PRKG1: variants seen among roughly 807,000 people sequenced by gnomAD.
PRKG1 encodes protein kinase cGMP-dependent 1.
Under a neutral mutation model 88.1 loss-of-function variants are expected in PRKG1, and 35 were observed. The observed-to-expected ratio is 0.40, with a 90% CI of 0.30 to 0.53. The LOEUF (loss-of-function observed/expected upper bound fraction) is 0.53, where lower values mean the gene tolerates loss of function less well. PRKG1 is among the 20% of genes least tolerant of loss of function. PRKG1 has a pLI of 0.59. For missense variants in PRKG1, 540 were observed against 839.8 expected (o/e 0.64, Z 4.41); for synonymous variants, 303 against 292.5 (o/e 1.04, Z -0.37).
At chr10:51,785,396 A>G (rs1229386800) in intron 3 of PRKG1, among the ~76,000 whole-genome samples, 1 of 152,146 alleles carries the variant, frequency 6.6e-6, no homozygotes, top group Non-Finnish European at 1.5e-5. Context: ...CAAGAAAAGA[A>G]AAACAAAATG....
rs183355769 is a variant in PRKG1, at chr10:52,130,601, A to G, written c.936-3239A>G. 1.9e-4 allele frequency among the ~76,000 whole-genome samples: 29 copies of G among 152,310 alleles called. No homozygotes were observed. The East Asian group carries it at 4.2e-3, about 22-fold the overall frequency. On this transcript the variant is annotated intron_variant, in intron 7 of 17. Transcript: ENST00000373980. ...ATTATATTTTCTATTTTGTGATGGT[A>G]GTTTGTTTATTATTGTTATTCATTT... is the stretch of plus-strand genomic sequence containing the variant.
chr10:51,638,532 C>A (rs543038658), intron 3 of PRKG1, among the ~76,000 whole-genome samples: 1 of 152,254 alleles, frequency 6.6e-6, no homozygotes, highest in African/African-American at 2.4e-5. Context: ...AGTTTGGAAA[C>A]CACAAAGAGA....
Position 51,228,304 on chromosome 10 carries a change from T to G in PRKG1, c.478+74974T>G, listed in dbSNP as rs545326940. Among the ~76,000 whole-genome samples the G allele has an allele frequency of 1.1e-3, 161 of 152,312 alleles. 1 individual carries two copies. Among genetic ancestry groups the G allele is most frequent in the African/African-American group, 3.5e-3 (147 of 41,580 alleles). On this transcript the variant is annotated intron_variant, in intron 2 of 17. Transcript: ENST00000373980. Reference sequence around the variant, plus strand: ...AGAATGTTCAGAGAAGCTGAGGTTATGGGGCAAGTGACAGGTCTCTTTTCT... The same window carrying G: ...AGAATGTTCAGAGAAGCTGAGGTTAGGGGGCAAGTGACAGGTCTCTTTTCT...
intron 3 of PRKG1, among the ~76,000 whole-genome samples, chr10:51,547,957 CA>C (rs1226562877): frequency 6.6e-6 from 1 of 152,050 alleles, no homozygotes; most frequent in Non-Finnish European, 1.5e-5. Context: ...AGGCTTAATT[CA>C]TTTTTTTAAG....
chr10:52,063,265 C>T (rs995761284), intron 7 of PRKG1, among the ~76,000 whole-genome samples: 44 of 152,334 alleles, frequency 2.9e-4, no homozygotes, highest in African/African-American at 9.1e-4. Context: ...CTGGCTGCTG[C>T]CGTGAGGTGG....
intron 3 of PRKG1, among the ~76,000 whole-genome samples, chr10:51,550,285 A>C (rs1464056678): frequency 1.3e-5 from 2 of 152,136 alleles, no homozygotes; most frequent in African/African-American, 4.8e-5. Flanking sequence ...AGATTAGTTA[A>C]GAAAACAAAA....
chr10:52,109,720 G>A (rs866698186), intron 7 of PRKG1, among the ~76,000 whole-genome samples: 2 of 151,956 alleles, frequency 1.3e-5, no homozygotes, highest in South Asian at 2.1e-4. Context: ...ACGACATCAC[G>A]CCACTGCACT....
intron 8 of PRKG1, among the ~76,000 whole-genome samples, chr10:52,138,181 C>T (rs1436280700): frequency 6.6e-6 from 1 of 151,854 alleles, no homozygotes; most frequent in East Asian, 1.9e-4. Flanking sequence ...CCTCTTCTGC[C>T]CCAGTTGTCT....
chr10:51,557,511 G>A (rs1589078379), intron 3 of PRKG1, among the ~76,000 whole-genome samples: 2 of 151,868 alleles, frequency 1.3e-5, no homozygotes, highest in East Asian at 3.9e-4. Context: ...GGGCTTTATT[G>A]TCATACACTC....
intron 3 of PRKG1, among the ~76,000 whole-genome samples, chr10:51,567,078 T>C (rs1428975175): frequency 6.6e-6 from 1 of 152,104 alleles, no homozygotes; most frequent in Non-Finnish European, 1.5e-5. Flanking sequence ...TATTTATAAA[T>C]GATACCACAA....
At chr10:52,086,135 C>T (rs796165257) in intron 7 of PRKG1, among the ~76,000 whole-genome samples, 1 of 151,926 alleles carries the variant, frequency 6.6e-6, no homozygotes, top group Non-Finnish European at 1.5e-5. Context: ...GTGTACTATG[C>T]TTTTAATGTC....
intron 7 of PRKG1, among the ~76,000 whole-genome samples, chr10:52,106,366 G>A (rs1416736980): frequency 2.0e-5 from 3 of 152,172 alleles, no homozygotes; most frequent in African/African-American, 7.2e-5. Flanking sequence ...GTTACTGTAA[G>A]TGTGTCCGAT....
intron 1 of PRKG1, among the ~76,000 whole-genome samples, chr10:51,117,012 G>A (rs188462074): frequency 7.2e-5 from 11 of 151,982 alleles, no homozygotes; most frequent in Non-Finnish European, 1.0e-4. Flanking sequence ...ATGGAGAAAC[G>A]TACTTGAAAT....
At chr10:51,255,569 A>T (rs147339284) in intron 2 of PRKG1, among the ~76,000 whole-genome samples, 1 of 152,268 alleles carries the variant, frequency 6.6e-6, no homozygotes, top group Non-Finnish European at 1.5e-5. Flanking sequence ...TCTACAAAGC[A>T]TTGCTTTTTC....
Position 52,207,143 on chromosome 10 carries a change from T to C in PRKG1, c.1077-44427T>C, listed in dbSNP as rs1281878126. ...TGTGCTCATGTTGCATGCACACATG[T>C]GTGCCAGCAGGGGAGGGGAGGCGAG... On this transcript the variant is annotated intron_variant, in intron 9 of 17. Transcript: ENST00000373980. 1.8e-4 allele frequency among the ~76,000 whole-genome samples: 27 copies of C among 152,178 alleles called. 1 individual carries two copies. The highest frequency in any genetic ancestry group is 1.8e-3 in the Admixed American group (27 of 15,282).
intron 4 of PRKG1, among the ~76,000 whole-genome samples, chr10:51,872,263 AT>A (rs948217539): frequency 6.6e-6 from 1 of 151,976 alleles, no homozygotes; most frequent in South Asian, 2.1e-4. Context: ...AACTTACTGT[AT>A]TTTTTTGCCT....
chr10:52,175,515 T>C (rs1838838173), intron 9 of PRKG1, among the ~76,000 whole-genome samples: 1 of 152,114 alleles, frequency 6.6e-6, no homozygotes, highest in Non-Finnish European at 1.5e-5. Flanking sequence ...TGCCCAGTAG[T>C]GGGATTGCTG....
intron 1 of PRKG1, among the ~76,000 whole-genome samples, chr10:51,008,097 T>C (rs1014851886): frequency 2.0e-5 from 3 of 152,118 alleles, no homozygotes; most frequent in Admixed American, 2.0e-4. Flanking sequence ...TTGGAGGAAA[T>C]TGGGCTTTGT....
At chr10:51,175,877 T>G (rs1022911362) in intron 2 of PRKG1, among the ~76,000 whole-genome samples, 2 of 152,164 alleles carry the variant, frequency 1.3e-5, no homozygotes, top group African/African-American at 4.8e-5. Context: ...TTGCATAATT[T>G]AGCTCTTTAT....
Sources: allele counts gnomAD v4.1 joint callset (sites outside exome capture counted in the v4.1 genomes callset), GRCh38; gene constraint gnomAD v4.1.1; transcripts MANE v1.5; gene names NCBI Gene and HGNC (gene_info 2026-07-23, HGNC 2026-07-21).